Variants in GBE1 observed in about 807,000 individuals in gnomAD.
The protein encoded by GBE1 is 1,4-alpha-glucan-branching enzyme.
In GBE1, 70 loss-of-function variants were observed where a neutral mutation model predicts 88.8. The ratio of observed to expected loss-of-function variants is 0.79; its 90% CI spans 0.65 to 0.96. GBE1 has a LOEUF of 0.96. Among genes scored for constraint, GBE1 ranks in the 40% least tolerant of loss-of-function variants. GBE1 has a pLI of 0.00. For missense variants in GBE1, 872 were observed against 871.0 expected, an observed-to-expected ratio of 1.00 and a Z score of -0.01; for synonymous variants, 284 against 300.1, an observed-to-expected ratio of 0.95 and a Z score of 0.56.
chr3:81,492,938 A>T (rs1702456325), intron 15 of GBE1, among the ~76,000 whole-genome samples: 1 of 151,984 alleles, frequency 6.6e-6, no homozygotes, highest in Non-Finnish European at 1.5e-5. Context: ...AGGTTTCTGC[A>T]TGTTGGCCAG....
intron 1 of GBE1, among the ~76,000 whole-genome samples, chr3:81,727,101 C>T: frequency 6.6e-6 from 1 of 152,150 alleles, no homozygotes; most frequent in East Asian, 1.9e-4. Flanking sequence ...CTAATTTCCA[C>T]ACTGAGACAG....
intron 7 of GBE1, among the ~76,000 whole-genome samples, chr3:81,633,199 C>T (rs1043769030): frequency 6.6e-6 from 1 of 152,202 alleles, no homozygotes; most frequent in East Asian, 1.9e-4. Context: ...GTAAGTCTGA[C>T]CACAGATAAT....
rs148454765 is a variant in GBE1, at chr3:81,688,486, T to C, written c.313+16958A>G. ...GATGATATTAAGTTAACTTGGCAAC[T>C]GAACAGGTAATAAAGAATACAATTA... On this transcript the variant is annotated intron_variant, in intron 2 of 15. Transcript: ENST00000429644. Among the ~76,000 whole-genome samples, 158 of 152,318 alleles carry C rather than the reference T, an allele frequency of 1.0e-3. 1 individual carries two copies. The highest frequency in any genetic ancestry group is 1.8e-3 in the Non-Finnish European group (122 of 68,014).
At chr3:81,545,881 G>A (rs1027028202) in intron 12 of GBE1, among the ~76,000 whole-genome samples, 10 of 152,030 alleles carry the variant, frequency 6.6e-5, no homozygotes, top group Admixed American at 3.9e-4. Context: ...TCCACTACCT[G>A]CTCATTAGTC....
At chr3:81,543,853 G>A (rs1364734504) in intron 12 of GBE1, among the ~76,000 whole-genome samples, 1 of 152,110 alleles carries the variant, frequency 6.6e-6, no homozygotes, top group Non-Finnish European at 1.5e-5. Flanking sequence ...ATCAGCATTT[G>A]AATTTAAGCA....
chr3:81,507,893 A>C (rs1224068493), intron 14 of GBE1, among the ~76,000 whole-genome samples: 3 of 152,146 alleles, frequency 2.0e-5, no homozygotes, highest in African/African-American at 7.2e-5. Context: ...TCATTTCTTC[A>C]ACAAAAGGTT....
intron 3 of GBE1, among the ~76,000 whole-genome samples, chr3:81,652,840 C>T (rs553043393): frequency 3.3e-5 from 5 of 152,252 alleles, no homozygotes; most frequent in African/African-American, 1.2e-4. Flanking sequence ...CCTTTACGGA[C>T]TAAACTTTGC....
intron 7 of GBE1, among the ~76,000 whole-genome samples, chr3:81,594,778 A>G (rs1464687217): frequency 6.6e-6 from 1 of 152,042 alleles, no homozygotes; most frequent in Admixed American, 6.6e-5. Flanking sequence ...CACCACACGA[A>G]ACAAGTCTGT....
chr3:81,528,724 T>C (rs892387343), intron 14 of GBE1, among the ~76,000 whole-genome samples: 6 of 152,094 alleles, frequency 3.9e-5, no homozygotes, highest in Non-Finnish European at 8.8e-5. Flanking sequence ...CATTATATAA[T>C]GACCTTATTT....
At chr3:81,588,869 G>A (rs1559654333) in intron 9 of GBE1, among the ~76,000 whole-genome samples, 1 of 152,038 alleles carries the variant, frequency 6.6e-6, no homozygotes, top group Non-Finnish European at 1.5e-5. Context: ...GGCTTTCTGT[G>A]CAGCAAGCAG....
intron 11 of GBE1, 86 bp downstream of exon 11, chr3:81,581,079 G>A (rs1703722924): frequency 1.3e-6 from 1 of 762,052 alleles, no homozygotes; most frequent in Non-Finnish European, 2.2e-6. Flanking sequence ...ATTTCGATAT[G>A]TTTATATTTA....
At chr3:81,755,845 A>T (rs1196615107) in intron 1 of GBE1, among the ~76,000 whole-genome samples, 1 of 152,132 alleles carries the variant, frequency 6.6e-6, no homozygotes, top group Non-Finnish European at 1.5e-5. Context: ...AAGATAAAGG[A>T]GGAAAATATA....
chr3:81,589,928 T>C (rs1703855061), intron 9 of GBE1, among the ~76,000 whole-genome samples: 1 of 152,072 alleles, frequency 6.6e-6, no homozygotes, highest in African/African-American at 2.4e-5. Flanking sequence ...TGTGCTATGA[T>C]CAAACGTAGG....
intron 1 of GBE1, among the ~76,000 whole-genome samples, chr3:81,725,127 G>A (rs926468080): frequency 2.0e-5 from 3 of 152,160 alleles, no homozygotes; most frequent in Non-Finnish European, 4.4e-5. Flanking sequence ...TATACACACT[G>A]TCACAGGCTA....
At chr3:81,551,578 G>A (rs959378074) in intron 12 of GBE1, among the ~76,000 whole-genome samples, 2 of 152,094 alleles carry the variant, frequency 1.3e-5, no homozygotes, top group Non-Finnish European at 2.9e-5. Context: ...ATCTACCTAT[G>A]ACCTGGAAGC....
chr3:81,652,811 C>T (rs539596406), intron 3 of GBE1, among the ~76,000 whole-genome samples: 2 of 152,228 alleles, frequency 1.3e-5, no homozygotes, highest in East Asian at 1.9e-4. Context: ...AGAGACAATG[C>T]AAAGAGTAAA....
chr3:81,572,267 T>G (rs1413085761), intron 12 of GBE1, among the ~76,000 whole-genome samples: 1 of 152,078 alleles, frequency 6.6e-6, no homozygotes, highest in African/African-American at 2.4e-5. Context: ...CTTTATAAAT[T>G]ACCCAGTCTC....
chr3:81,717,916 T>G (rs941007503), intron 1 of GBE1, among the ~76,000 whole-genome samples: 1 of 152,010 alleles, frequency 6.6e-6, no homozygotes, highest in African/African-American at 2.4e-5. Context: ...ATGCAGGGTA[T>G]AAACCACTTA....
At chr3:81,669,971 T>C (rs576480232) in intron 3 of GBE1, among the ~76,000 whole-genome samples, 7 of 152,186 alleles carry the variant, frequency 4.6e-5, no homozygotes, top group Non-Finnish European at 7.3e-5. Flanking sequence ...TGAGTTAATA[T>C]TGTTAAATAA....
Sources: allele counts gnomAD v4.1 joint callset (sites outside exome capture counted in the v4.1 genomes callset), GRCh38; gene constraint gnomAD v4.1.1; transcripts MANE v1.5; gene names NCBI Gene and HGNC (gene_info 2026-07-23, HGNC 2026-07-21).